Variants in TTLL5 observed in about 807,000 individuals in gnomAD.
The protein encoded by TTLL5 is tubulin polyglutamylase TTLL5.
A neutral mutation model predicts 168.4 loss-of-function variants in TTLL5; 132 were observed. The observed-to-expected ratio is 0.78, with a 90% CI of 0.68 to 0.91. The LOEUF (loss-of-function observed/expected upper bound fraction) is 0.91. Among genes scored for constraint, TTLL5 ranks in the 40% least tolerant of loss-of-function variants. TTLL5 has a pLI of 0.00. For missense variants in TTLL5, 1,545 were observed against 1,581.5 expected (o/e 0.98, Z 0.39); for synonymous variants, 546 against 558.6 (o/e 0.98, Z 0.32).
intron 31 of TTLL5, among the ~76,000 whole-genome samples, chr14:75,927,078 A>T (rs1051344311): frequency 6.6e-6 from 1 of 152,032 alleles, no homozygotes; most frequent in Non-Finnish European, 1.5e-5. Context: ...GGTAATGGTT[A>T]CCCCATTTTG....
At chr14:75,782,610 C>A in intron 25 of TTLL5, 37 bp downstream of exon 25, 1 of 1,540,602 alleles carries the variant, frequency 6.5e-7, no homozygotes, top group Non-Finnish European at 8.9e-7. Context: ...TTGCTGCTCT[C>A]TGATAATTTC....
At chr14:75,915,927 A>G (rs940666379) in intron 31 of TTLL5, among the ~76,000 whole-genome samples, 1 of 152,148 alleles carries the variant, frequency 6.6e-6, no homozygotes, top group Admixed American at 6.6e-5. Flanking sequence ...CAGAAGTTCA[A>G]GACCAACCTG....
chr14:75,686,230 G>A (rs1448336633), intron 5 of TTLL5, among the ~76,000 whole-genome samples: 1 of 152,142 alleles, frequency 6.6e-6, no homozygotes, highest in Non-Finnish European at 1.5e-5. Flanking sequence ...TAACCAAGGT[G>A]CCTTTTTGGA....
intron 5 of TTLL5, among the ~76,000 whole-genome samples, chr14:75,688,181 C>T (rs1044180321): frequency 1.8e-4 from 27 of 152,118 alleles, no homozygotes; most frequent in African/African-American, 6.5e-4. Context: ...AAGAAAAGAC[C>T]AAGGCATGAT....
chr14:75,667,751 G>GT (rs67181555), intron 2 of TTLL5, among the ~76,000 whole-genome samples: 5,365 of 89,036 alleles, frequency 0.06, 623 homozygotes, highest in African/African-American at 0.18. Context: ...ATCTTTTTAT[G>GT]TTTTTTTTTT....
At chr14:75,739,632 C>T (rs370874568) in intron 15 of TTLL5, among the ~76,000 whole-genome samples, 17 of 152,050 alleles carry the variant, frequency 1.1e-4, no homozygotes, top group East Asian at 1.9e-4. Flanking sequence ...TTTTACAGTC[C>T]GATAGACCTG....
intron 28 of TTLL5, among the ~76,000 whole-genome samples, chr14:75,842,415 G>A (rs1310029034): frequency 1.3e-5 from 2 of 152,118 alleles, no homozygotes; most frequent in African/African-American, 4.8e-5. Context: ...GAAGCAGGAG[G>A]GTAAAGGGTT....
intron 27 of TTLL5, among the ~76,000 whole-genome samples, chr14:75,808,797 A>T (rs1318543055): frequency 6.6e-6 from 1 of 151,880 alleles, no homozygotes; most frequent in Non-Finnish European, 1.5e-5. Flanking sequence ...TTATTTTTTA[A>T]AATTTTTATA....
At chr14:75,920,463 T>A (rs536781412) in intron 31 of TTLL5, among the ~76,000 whole-genome samples, 7 of 152,252 alleles carry the variant, frequency 4.6e-5, no homozygotes, top group African/African-American at 1.7e-4. Flanking sequence ...AGTGTTCTCA[T>A]TGTTCAGTTC....
At chr14:75,815,963 A>G (rs772347161) in intron 27 of TTLL5, among the ~76,000 whole-genome samples, 1 of 152,222 alleles carries the variant, frequency 6.6e-6, no homozygotes, top group Non-Finnish European at 1.5e-5. Context: ...TCATTAAACC[A>G]TATTATTTGG....
Position 75,732,421 on chromosome 14 carries a change from T to C in TTLL5, c.1124+2T>C. 6.2e-7 allele frequency: 1 copy of C among 1,613,588 alleles called. No individual in the cohort carries two copies. On this transcript the variant is annotated splice_donor_variant, in intron 13 of 31. Transcript: ENST00000298832. LOFTEE classifies it high-confidence loss of function. ...GAATCTCTCTCCTTCTTTGGCCTGG[T>C]AAGTCAGTTCCATCAACTAAAAAAG...
At chr14:75,747,116 A>C (rs1454899063) in intron 17 of TTLL5, among the ~76,000 whole-genome samples, 1 of 150,140 alleles carries the variant, frequency 6.7e-6, no homozygotes, top group Non-Finnish European at 1.5e-5. Context: ...GTTTTTTCAG[A>C]CTTTTTTTTT....
At position 75,779,709 on chromosome 14, in the gene TTLL5, A is replaced by G. The variant is rs765883573; in HGVS notation, c.2515+7A>G. 7.5e-6 allele frequency: 12 copies of G among 1,598,988 alleles called. No homozygotes were observed. Among genetic ancestry groups the G allele is most frequent in the East Asian group, 2.2e-5 (1 of 44,736 alleles). On this transcript the variant is annotated splice_region_variant and intron_variant, in intron 24 of 31. Coordinates refer to ENST00000298832, the MANE Select transcript of TTLL5 (RefSeq NM_015072.5). ...GATAGTGGGGCAAAAGGTGGTAAGT[A>G]TACTGGTTAATGAACGAAAAATAAG...
At chr14:75,945,046 G>A (rs2034725049) in intron 31 of TTLL5, among the ~76,000 whole-genome samples, 1 of 151,898 alleles carries the variant, frequency 6.6e-6, no homozygotes, top group Non-Finnish European at 1.5e-5. Context: ...AAAACCAGGG[G>A]AGAAGAGATG....
At chr14:75,941,397 C>T (rs1387902535) in intron 31 of TTLL5, 1 of 152,192 alleles carries the variant, frequency 6.6e-6, no homozygotes, top group Non-Finnish European at 1.5e-5. Flanking sequence ...TAAATTGATT[C>T]ATTCACTTCC....
chr14:75,751,434 C>T (rs1194618121), intron 17 of TTLL5, among the ~76,000 whole-genome samples: 1 of 152,172 alleles, frequency 6.6e-6, no homozygotes, highest in South Asian at 2.1e-4. Context: ...AATAAGGATT[C>T]TTTGAACACA....
intron 31 of TTLL5, among the ~76,000 whole-genome samples, chr14:75,934,759 CA>C (rs1329572027): frequency 3.3e-5 from 5 of 152,120 alleles, no homozygotes; most frequent in Non-Finnish European, 5.9e-5. Context: ...AAACTGAAGA[CA>C]ATCTTGGCTG....
At chr14:75,864,494 A>G (rs2030344604) in intron 29 of TTLL5, among the ~76,000 whole-genome samples, 1 of 152,214 alleles carries the variant, frequency 6.6e-6, no homozygotes. Context: ...ACTTATGTGT[A>G]GGGAGATGTT....
At chr14:75,765,448 T>G (rs1890911688) in intron 19 of TTLL5, among the ~76,000 whole-genome samples, 1 of 152,234 alleles carries the variant, frequency 6.6e-6, no homozygotes, top group Non-Finnish European at 1.5e-5. Context: ...CTGTAGAAAT[T>G]ACTAAGCCAA....
Sources: gnomAD v4.1 joint callset for allele counts (sites outside exome capture counted in the v4.1 genomes callset) on GRCh38, gnomAD v4.1.1 for gene constraint, MANE v1.5 for transcripts, NCBI Gene and HGNC (gene_info 2026-07-23, HGNC 2026-07-21) for gene names.